The following EPS8L1 variants were observed in gnomAD, a reference collection of about 807,000 sequenced individuals.
EPS8L1 encodes the protein epidermal growth factor receptor kinase substrate 8-like protein 1.
EPS8L1 carries 101 observed loss-of-function variants against 91.7 expected under a neutral mutation model. The ratio of observed to expected loss-of-function variants is 1.10; its 90% confidence interval spans 0.94 to 1.30. EPS8L1 has a LOEUF of 1.30. EPS8L1 is among the 50% of genes most tolerant of loss of function. The probability of loss-of-function intolerance (pLI) is 0.00; values close to 1 mark genes in which losing one functional copy is unlikely to be tolerated. For synonymous variants in EPS8L1, 506 were observed against 445.3 expected, an observed-to-expected ratio of 1.14 and a Z score of -1.72; for missense variants, 1,114 against 1,017.0, an observed-to-expected ratio of 1.10 and a Z score of -1.30.
At position 55,087,637 on chromosome 19, in the gene EPS8L1, G is replaced by C. The variant is rs761511198; in HGVS notation, c.*23G>C. The stretch of plus-strand genomic sequence containing the variant: ...TGACCTGCCAGGCGCCCTTCGCAAA[G>C]AGTGACGAGGCCCCGTGGGAGAACG... On this transcript the variant is annotated 3_prime_UTR_variant, in exon 20 of 20. Coordinates refer to ENST00000201647, the MANE Select transcript of EPS8L1 (RefSeq NM_133180.3). The C allele has an allele frequency of 3.7e-6, 6 of 1,612,556 alleles. No individual in the cohort carries two copies. Among genetic ancestry groups the C allele is most frequent in the Non-Finnish European group, 5.1e-6 (6 of 1,178,882 alleles).
At chr19:55,087,262 C>T (rs1365795632) in intron 18 of EPS8L1, 41 bp from the exon 19 acceptor site, 4 of 1,557,664 alleles carry the variant, frequency 2.6e-6, no homozygotes, top group Non-Finnish European at 3.5e-6. Context: ...GCTGGGGCAT[C>T]CGCCGACCGG....
Position 55,081,153 on chromosome 19 carries a change from C to T in EPS8L1, c.513-78C>T, listed in dbSNP as rs1602931451. Reference sequence around the variant, plus strand: ...CTTTGAGCCTTTTGAGCCTGTGTGTCTCGTTCTGCGCCCTGGATTTCCCCC... The same window carrying T: ...CTTTGAGCCTTTTGAGCCTGTGTGTTTCGTTCTGCGCCCTGGATTTCCCCC... On this transcript the variant is annotated intron_variant, in intron 7 of 19. Coordinates refer to ENST00000201647, the MANE Select transcript of EPS8L1 (RefSeq NM_133180.3). This position sits in a 1 kb window ranked among gnomAD's most constrained non-coding sequence, Gnocchi z 4.9. 7.0e-7 allele frequency: 1 copy of T among 1,430,410 alleles called. No individual in the cohort carries two copies. The highest frequency in any genetic ancestry group is 2.5e-5 in the East Asian group (1 of 39,876). 88.6% of individuals were successfully genotyped at this position (1,430,410 alleles called of 1,614,324 possible). A position where few individuals can be genotyped will look rare whatever the true frequency, so the allele number is the denominator to read the frequency against.
intron 2 of EPS8L1, among the ~76,000 whole-genome samples, chr19:55,076,731 G>C (rs989771739): frequency 6.6e-5 from 10 of 152,200 alleles, no homozygotes; most frequent in African/African-American, 2.2e-4. Flanking sequence ...TCACCTCCTG[G>C]AGCCTCAGCC....
At chr19:55,076,820 C>G (rs2076143250) in intron 2 of EPS8L1, among the ~76,000 whole-genome samples, 1 of 152,222 alleles carries the variant, frequency 6.6e-6, no homozygotes, top group African/African-American at 2.4e-5. Context: ...ACCTCACTGA[C>G]AGCAGGTGCT....
chr19:55,077,074 T>G (rs969434308), intron 2 of EPS8L1, among the ~76,000 whole-genome samples: 1 of 151,440 alleles, frequency 6.6e-6, no homozygotes, highest in Non-Finnish European at 1.5e-5. Flanking sequence ...GGAAAAAGGG[T>G]TTTTCAGTTC....
In EPS8L1 at chr19:55,086,856, C is replaced by T; in HGVS notation, c.1920C>T (p.Arg640=). ...CGGGCTCGGACGCCTCCGAGGTCCG[C>T]GCCTGGCTGCAGGCCAAGGGCTTTA... ...LSPGSDASEV[R]AWLQAKGFSS... Residue 640 remains arginine, a synonymous_variant, in exon 18 of 20, where the codon CGC becomes CGT. Transcript: ENST00000201647. 2 of 1,479,258 alleles carry T rather than the reference C, an allele frequency of 1.4e-6. No homozygotes were observed. The highest frequency in any genetic ancestry group is 1.8e-6 in the Non-Finnish European group (2 of 1,120,952). 91.6% of individuals were successfully genotyped at this position (1,479,258 alleles called of 1,614,324 possible). A position where few individuals can be genotyped will look rare whatever the true frequency, so the allele number is the denominator to read the frequency against.
At chr19:55,086,940 G>A (rs1412339360) in intron 18 of EPS8L1, 52 bp downstream of exon 18, 1 of 1,401,932 alleles carries the variant, frequency 7.1e-7, no homozygotes, top group Non-Finnish European at 9.2e-7. Context: ...CGCTGGGAGC[G>A]GAGCGTTCCG....
chr19:55,081,896 G>C lies in EPS8L1; in HGVS notation c.898G>C (p.Gly300Arg). 1 of 1,605,864 alleles carries C rather than the reference G, an allele frequency of 6.2e-7. No individual in the cohort carries two copies. The highest frequency in any genetic ancestry group is 8.5e-7 in the Non-Finnish European group (1 of 1,175,060). Residue 300 changes from glycine to arginine, a missense_variant, in exon 9 of 20, where the codon GGG becomes CGG. Coordinates refer to ENST00000201647, the MANE Select transcript of EPS8L1 (RefSeq NM_133180.3). This position sits in a 1 kb window ranked among gnomAD's most constrained non-coding sequence, Gnocchi z 4.9. ...CCGCAGGAGCCGGCGCCGGGCGGCT[G>C]GGGGTAAGGGGCACCCTGGCGTGGG... ...RGRRSRRRAA[G>R]EGLLTLRAKP...
chr19:55,081,814 A>G lies in EPS8L1; in HGVS notation c.816A>G (p.Val272=). ...TGTTCGACGACGTAGAGAGCTTTGT[A>G]TCGAGGCTGCAGAAGTCGGCGGAGG... The part of the protein sequence containing the change: ...NHVFDDVESF[V]SRLQKSAEAA... The change falls in exon 9 of 20, where the codon GTA becomes GTG. Residue 272 remains valine (V), a synonymous_variant. Transcript: ENST00000201647. The surrounding 1 kb of genome is among the most constrained non-coding windows in gnomAD (Gnocchi z 4.9). 1.2e-6 allele frequency: 2 copies of G among 1,612,766 alleles called. No individual in the cohort carries two copies. The highest frequency in any genetic ancestry group is 1.7e-6 in the Non-Finnish European group (2 of 1,179,150).
chr19:55,076,494 A>G, intron 2 of EPS8L1, 33 bp downstream of exon 2: 1 of 1,607,602 alleles, frequency 6.2e-7, no homozygotes, highest in Middle Eastern at 1.7e-4. Context: ...TCCCAGCCCC[A>G]GCACGCCTCC....
chr19:55,081,735 C>T lies in EPS8L1; in HGVS notation c.775-38C>T, dbSNP rs759839635. The T allele has an allele frequency of 1.9e-6, 3 of 1,573,146 alleles. No homozygotes were observed. The highest frequency in any genetic ancestry group is 2.3e-5 in the South Asian group (2 of 87,106). On this transcript the variant is annotated intron_variant, in intron 8 of 19. Coordinates refer to ENST00000201647, the MANE Select transcript of EPS8L1 (RefSeq NM_133180.3). The surrounding 1 kb of genome is among the most constrained non-coding windows in gnomAD (Gnocchi z 4.9). ...GGCTTCGACGGGGATGGTTTTGGAA[C>T]TCGGGAGCCCTGAGCGTCCCCCTCC...
rs1332725740 is a variant in EPS8L1 at position 55,086,812 on chromosome 19, C to CCGGAACCGCAGCTCAGCCCGGGCT, written c.1881_1904dup (p.Glu627_Ser634dup). ...CCGCGCAGTCCCAGGGCCCCGCGCCCCGGAACCGCAGCTCAGCCCGGGCTC... is the reference window on the plus strand; with the variant it reads ...CCGCGCAGTCCCAGGGCCCCGCGCCCCGGAACCGCAGCTCAGCCCGGGCTCGGAACCGCAGCTCAGCCCGGGCTC... On this transcript the variant is annotated inframe_insertion, in exon 18 of 20. Coordinates refer to ENST00000201647, the MANE Select transcript of EPS8L1 (RefSeq NM_133180.3). The CCGGAACCGCAGCTCAGCCCGGGCT allele has an allele frequency of 6.3e-7, 1 of 1,587,726 alleles. No homozygotes were observed. Among genetic ancestry groups the CCGGAACCGCAGCTCAGCCCGGGCT allele is most frequent in the Admixed American group, 1.8e-5 (1 of 56,260 alleles).
intron 3 of EPS8L1, among the ~76,000 whole-genome samples, chr19:55,078,408 G>C (rs565202998): frequency 1.1e-3 from 23 of 21,124 alleles, no homozygotes; most frequent in Middle Eastern, 0.029. Context: ...GGGCTGGGGG[G>C]CTGGACTCCT....
chr19:55,082,243 C>T, intron 10 of EPS8L1, 32 bp from the exon 11 acceptor site: 3 of 1,604,364 alleles, frequency 1.9e-6, no homozygotes, highest in Non-Finnish European at 2.6e-6. Context: ...GTCCCCGCAC[C>T]CACGCCAACC....
chr19:55,087,254 T>TG (rs922086140), intron 18 of EPS8L1, 49 bp from the exon 19 acceptor site: 2 of 1,550,264 alleles, frequency 1.3e-6, no homozygotes, highest in African/African-American at 2.7e-5. Context: ...TTGTCCGGGC[T>TG]GGGGCATCCG....
In EPS8L1 at chr19:55,081,966, C is replaced by T; in HGVS notation, c.901+67C>T. 6.4e-7 allele frequency: 1 copy of T among 1,561,968 alleles called. No individual in the cohort carries two copies. ...CTCTTCCAAATGTCCCCGCTCTCCC[C>T]AGGCTCTCCCCTCCCGCCACTTGCC... is the stretch of plus-strand genomic sequence containing the variant. On this transcript the variant is annotated intron_variant, in intron 9 of 19. Coordinates refer to ENST00000201647, the MANE Select transcript of EPS8L1 (RefSeq NM_133180.3). The surrounding 1 kb of genome is among the most constrained non-coding windows in gnomAD (Gnocchi z 4.9).
In EPS8L1 at chr19:55,087,551, G is replaced by A. The variant is rs923203468; in HGVS notation, c.2109G>A (p.Leu703=). The A allele has an allele frequency of 3.7e-6, 6 of 1,614,056 alleles. No homozygotes were observed. The African/African-American group carries it at 6.7e-5, about 18-fold the overall frequency. The change falls in exon 20 of 20, where the codon CTG becomes CTA. Residue 703 remains leucine, a synonymous_variant. Coordinates refer to ENST00000201647, the MANE Select transcript of EPS8L1 (RefSeq NM_133180.3). ...AGGACAAAGAGAAAGTGTCAGAGCT[G>A]GAGGCAGTGATGGAGAAGCAAAAGA... ...LLEDKEKVSE[L]EAVMEKQKKK...
rs1252625981 is a variant in EPS8L1, at chr19:55,087,575, G to A, written c.2133G>A (p.Lys711=). The A allele has an allele frequency of 6.2e-7, 1 of 1,614,062 alleles. No individual in the cohort carries two copies. Among genetic ancestry groups the A allele is most frequent in the Non-Finnish European group, 8.5e-7 (1 of 1,180,024 alleles). ...TGGAGGCAGTGATGGAGAAGCAAAA[G>A]AAGAAGGTGGAAGGCGAGGTGGAAA... The part of the protein sequence containing the change: ...SELEAVMEKQ[K]KKVEGEVEME... The change falls in exon 20 of 20, where the codon AAG becomes AAA. Residue 711 remains lysine, a synonymous_variant. Coordinates refer to ENST00000201647, the MANE Select transcript of EPS8L1 (RefSeq NM_133180.3).
intron 10 of EPS8L1, 23 bp downstream of exon 10, chr19:55,082,203 G>C (rs553779764): frequency 1.9e-6 from 3 of 1,589,098 alleles, no homozygotes; most frequent in Non-Finnish European, 2.6e-6. Flanking sequence ...CCGCCCCTGG[G>C]CCGGGGCGCG....
Sources: allele counts gnomAD v4.1 joint callset (sites outside exome capture counted in the v4.1 genomes callset), GRCh38; gene constraint gnomAD v4.1.1; non-coding constraint Gnocchi (gnomAD v3.1); transcripts MANE v1.5; gene names NCBI Gene and HGNC (gene_info 2026-07-23, HGNC 2026-07-21).